EPHA6: variants seen among roughly 807,000 people sequenced by gnomAD.
EPHA6 encodes the protein EPH receptor A6, also known as ephrin type-A receptor 6.
EPHA6 carries 50 observed loss-of-function variants against 112.0 expected under a neutral mutation model. The observed-to-expected ratio is 0.45, with a 90% CI of 0.36 to 0.56. The LOEUF (loss-of-function observed/expected upper bound fraction) is 0.56. Among genes scored for constraint, EPHA6 ranks in the 20% least tolerant of loss-of-function variants. The pLI, the probability that EPHA6 is intolerant of heterozygous loss-of-function variation, is 0.00. For missense variants in EPHA6, 1,280 were observed against 1,417.4 expected (o/e 0.90, Z 1.56); for synonymous variants, 529 against 490.7 (o/e 1.08, Z -1.03).
intron 3 of EPHA6, among the ~76,000 whole-genome samples, chr3:97,184,944 G>A (rs1036144748): frequency 7.2e-5 from 11 of 152,126 alleles, no homozygotes; most frequent in Non-Finnish European, 1.6e-4. Context: ...TGACAAACCT[G>A]ACAAAAACAA....
intron 5 of EPHA6, among the ~76,000 whole-genome samples, chr3:97,321,879 T>C (rs550795752): frequency 7.2e-5 from 11 of 152,170 alleles, no homozygotes; most frequent in Middle Eastern, 3.4e-3. Flanking sequence ...AGGCTCAGTG[T>C]AAAATGAAAA....
At chr3:97,512,705 A>G (rs544105004) in intron 10 of EPHA6, among the ~76,000 whole-genome samples, 5 of 152,258 alleles carry the variant, frequency 3.3e-5, no homozygotes, top group African/African-American at 9.6e-5. Flanking sequence ...CTGGGATTAC[A>G]GTCATTGCAC....
chr3:97,461,635 T>C (rs1460602077), intron 7 of EPHA6, among the ~76,000 whole-genome samples: 2 of 152,222 alleles, frequency 1.3e-5, no homozygotes, highest in Non-Finnish European at 2.9e-5. Flanking sequence ...ATAGATACCA[T>C]ATAAAAGCAA....
intron 11 of EPHA6, among the ~76,000 whole-genome samples, chr3:97,551,116 C>T (rs1424311418): frequency 6.6e-6 from 1 of 152,102 alleles, no homozygotes; most frequent in Non-Finnish European, 1.5e-5. Flanking sequence ...GAACTTTTAA[C>T]TCTCTATATT....
At chr3:97,117,005 T>G (rs888542927) in intron 3 of EPHA6, among the ~76,000 whole-genome samples, 2 of 151,764 alleles carry the variant, frequency 1.3e-5, no homozygotes, top group Admixed American at 1.3e-4. Context: ...ATCGTTTGTC[T>G]TTTTGGTAAT....
rs2036126957 is a variant in EPHA6, at chr3:97,760,325, T to G, written c.*11624T>G. The stretch of plus-strand genomic sequence containing the variant: ...GATCTTTTAATTGTGCTTGGTGCTT[T>G]GTTTCTGGAGATATATATATATATA... On this transcript the variant is annotated 3_prime_UTR_variant, in exon 18 of 18. Coordinates refer to ENST00000389672, the MANE Select transcript of EPHA6 (RefSeq NM_001080448.3). The G allele has an allele frequency of 6.0e-6, 1 of 166,806 alleles. No individual in the cohort carries two copies. Among genetic ancestry groups the G allele is most frequent in the Non-Finnish European group, 1.3e-5 (1 of 78,022 alleles). 10.3% of individuals were successfully genotyped at this position (166,806 alleles called of 1,614,324 possible).
intron 15 of EPHA6, among the ~76,000 whole-genome samples, chr3:97,734,159 A>G (rs1478025544): frequency 6.6e-6 from 1 of 152,098 alleles, no homozygotes; most frequent in Non-Finnish European, 1.5e-5. Context: ...TAGATAATAA[A>G]GGAAGCTATT....
chr3:97,160,420 G>T (rs1171998198), intron 3 of EPHA6, among the ~76,000 whole-genome samples: 1 of 151,902 alleles, frequency 6.6e-6, no homozygotes, highest in East Asian at 1.9e-4. Context: ...GGGATTACAG[G>T]TGCCCCCCAC....
chr3:97,429,149 G>A (rs1045559594), intron 6 of EPHA6, among the ~76,000 whole-genome samples: 2 of 152,036 alleles, frequency 1.3e-5, no homozygotes, highest in Non-Finnish European at 2.9e-5. Flanking sequence ...CCAAGGAAAC[G>A]CTTTGGGAAA....
chr3:97,638,109 T>C, intron 14 of EPHA6, 27 bp downstream of exon 14: 1 of 1,521,716 alleles, frequency 6.6e-7, no homozygotes, highest in South Asian at 1.1e-5. Flanking sequence ...TTTCCTAATA[T>C]AGTCTGTTTA....
At chr3:97,497,555 GTC>G (rs924735321) in intron 10 of EPHA6, among the ~76,000 whole-genome samples, 1 of 151,768 alleles carries the variant, frequency 6.6e-6, no homozygotes, top group African/African-American at 2.4e-5. Flanking sequence ...TTTTCCTATT[GTC>G]TGTCTTCCCT....
intron 15 of EPHA6, among the ~76,000 whole-genome samples, chr3:97,733,182 GT>G (rs1206422335): frequency 2.6e-5 from 4 of 152,070 alleles, no homozygotes; most frequent in Non-Finnish European, 5.9e-5. Context: ...GTCTACAGGA[GT>G]TGTCTGAAGC....
intron 14 of EPHA6, among the ~76,000 whole-genome samples, chr3:97,718,124 T>C (rs1311697244): frequency 6.6e-6 from 1 of 152,226 alleles, no homozygotes; most frequent in Non-Finnish European, 1.5e-5. Flanking sequence ...ATTTGGACTT[T>C]GTTCTCTGGA....
intron 14 of EPHA6, among the ~76,000 whole-genome samples, chr3:97,695,587 C>A (rs1437868950): frequency 6.6e-6 from 1 of 152,196 alleles, no homozygotes; most frequent in Non-Finnish European, 1.5e-5. Context: ...TGTCACCAGG[C>A]CCGAATGCAG....
chr3:97,652,228 A>G (rs1446649399), intron 14 of EPHA6, among the ~76,000 whole-genome samples: 2 of 152,132 alleles, frequency 1.3e-5, no homozygotes, highest in African/African-American at 4.8e-5. Flanking sequence ...GAAGGAAAAC[A>G]TGATAAATAC....
At chr3:96,955,171 C>T (rs1318072201) in intron 2 of EPHA6, among the ~76,000 whole-genome samples, 2 of 152,000 alleles carry the variant, frequency 1.3e-5, no homozygotes, top group Non-Finnish European at 2.9e-5. Flanking sequence ...TTATGTAGAA[C>T]ATGTTTCTAA....
intron 6 of EPHA6, among the ~76,000 whole-genome samples, chr3:97,419,677 C>T (rs1192501665): frequency 6.6e-6 from 1 of 151,388 alleles, no homozygotes; most frequent in African/African-American, 2.4e-5. Flanking sequence ...AACAGTAAGT[C>T]CAGGGAAAGT....
At chr3:97,016,459 TAATA>T (rs2044269657) in intron 3 of EPHA6, among the ~76,000 whole-genome samples, 2 of 152,134 alleles carry the variant, frequency 1.3e-5, no homozygotes, top group African/African-American at 2.4e-5. Flanking sequence ...AAAGTTCTAA[TAATA>T]AATAGTTATT....
intron 14 of EPHA6, among the ~76,000 whole-genome samples, chr3:97,685,861 A>G (rs2107692803): frequency 6.6e-6 from 1 of 152,338 alleles, no homozygotes; most frequent in East Asian, 1.9e-4. Context: ...CAAAGATTAC[A>G]CAATAATCAA....
Sources: gnomAD v4.1 joint callset for allele counts (sites outside exome capture counted in the v4.1 genomes callset) on GRCh38, gnomAD v4.1.1 for gene constraint, MANE v1.5 for transcripts, NCBI Gene and HGNC (gene_info 2026-07-23, HGNC 2026-07-21) for gene names.